CPNE4: variants seen among roughly 807,000 people sequenced by gnomAD.
The protein encoded by CPNE4 is copine 4, also known as copine-4.
A neutral mutation model predicts 67.9 loss-of-function variants in CPNE4; 25 were observed. The observed-to-expected ratio is 0.37, with a 90% CI of 0.27 to 0.51. CPNE4 has a LOEUF of 0.51. Ranked by LOEUF, CPNE4 falls within the 20% of genes least tolerant of loss-of-function variation. The pLI is 0.93. For missense variants in CPNE4, 464 were observed against 690.8 expected (o/e 0.67, Z 3.68); for synonymous variants, 242 against 244.9 (o/e 0.99, Z 0.11).
chr3:131,698,392 T>G (rs1402027235), intron 4 of CPNE4, among the ~76,000 whole-genome samples: 1 of 151,788 alleles, frequency 6.6e-6, no homozygotes, highest in African/African-American at 2.4e-5. Flanking sequence ...GATCTACTGG[T>G]TTTGTGGGCT....
intron 5 of CPNE4, among the ~76,000 whole-genome samples, chr3:131,688,059 G>A (rs538279328): frequency 6.6e-6 from 1 of 152,338 alleles, no homozygotes; most frequent in African/African-American, 2.4e-5. Context: ...GCACTGGCCT[G>A]GAGAGGCAGG....
chr3:131,988,438 GT>G (rs1430231942), intron 1 of CPNE4, among the ~76,000 whole-genome samples: 2 of 152,228 alleles, frequency 1.3e-5, no homozygotes, highest in Admixed American at 1.3e-4. Context: ...TGGTGAGCCA[GT>G]TGGAGAGCGG....
chr3:131,988,999 T>C (rs1560744877), intron 1 of CPNE4, among the ~76,000 whole-genome samples: 1 of 152,186 alleles, frequency 6.6e-6, no homozygotes, highest in Non-Finnish European at 1.5e-5. Flanking sequence ...AAACTAATAG[T>C]TGACTATGTT....
chr3:131,996,617 C>G (rs756870960), intron 1 of CPNE4, among the ~76,000 whole-genome samples: 5 of 151,796 alleles, frequency 3.3e-5, no homozygotes, highest in Non-Finnish European at 7.4e-5. Flanking sequence ...GGTCCCTCCA[C>G]TTAGATATCA....
chr3:131,645,515 A>G (rs971863476), intron 7 of CPNE4, among the ~76,000 whole-genome samples: 2 of 152,234 alleles, frequency 1.3e-5, no homozygotes, highest in Admixed American at 6.5e-5. Flanking sequence ...TGGGACAGGT[A>G]CTATTTTATG....
rs574741257 is a variant in CPNE4, at chr3:131,743,911, C to G, written c.181-20286G>C. ...CCGGGAGGCGGAGCTTGCAGTGAGC[C>G]GAGATCGCGCCACTGCACTCCAGCC... On this transcript the variant is annotated intron_variant, in intron 2 of 15. Coordinates refer to ENST00000429747, the MANE Select transcript of CPNE4 (RefSeq NM_130808.3). Among the ~76,000 whole-genome samples, 308 of 120,558 alleles carry G rather than the reference C, an allele frequency of 2.6e-3. 1 individual carries two copies. Among genetic ancestry groups the G allele is most frequent in the African/African-American group, 9.0e-3 (287 of 31,826 alleles). 79.1% of individuals were successfully genotyped at this position (120,558 alleles called of 152,430 possible).
chr3:131,927,981 C>G (rs1201972680), intron 1 of CPNE4, among the ~76,000 whole-genome samples: 1 of 152,058 alleles, frequency 6.6e-6, no homozygotes, highest in Non-Finnish European at 1.5e-5. Context: ...GAGATAAAAG[C>G]CTAGAGAAAA....
At chr3:131,958,609 CTTTTTT>C (rs748126986) in intron 1 of CPNE4, among the ~76,000 whole-genome samples, 19 of 95,988 alleles carry the variant, frequency 2.0e-4, no homozygotes, top group African/African-American at 9.5e-4. Context: ...TCTTTCTTTT[CTTTTTT>C]TTTTTTTTTT....
chr3:131,621,505 C>T (rs528097901), intron 7 of CPNE4, among the ~76,000 whole-genome samples: 35 of 152,224 alleles, frequency 2.3e-4, no homozygotes, highest in African/African-American at 8.4e-4. Flanking sequence ...CTAAGCCTCC[C>T]AGAGCACTGG....
At chr3:131,784,003 A>G (rs2083490088) in intron 2 of CPNE4, among the ~76,000 whole-genome samples, 1 of 152,034 alleles carries the variant, frequency 6.6e-6, no homozygotes, top group Non-Finnish European at 1.5e-5. Context: ...AGTAATTTGA[A>G]CTTCTCAGAG....
At chr3:131,585,339 G>A (rs936624218) in intron 8 of CPNE4, among the ~76,000 whole-genome samples, 1 of 152,270 alleles carries the variant, frequency 6.6e-6, no homozygotes, top group Non-Finnish European at 1.5e-5. Flanking sequence ...GCCTGTCACA[G>A]TGCTTGGAAT....
Position 132,033,405 on chromosome 3 carries a change from CTGTGTGTG to C in CPNE4, c.-2+1154_-2+1161del, listed in dbSNP as rs59853721. Among the ~76,000 whole-genome samples, 27 of 150,838 alleles carry C rather than the reference CTGTGTGTG, an allele frequency of 1.8e-4. No individual in the cohort carries two copies. In the East Asian group the frequency reaches 3.5e-3, roughly 20 times the overall value. ...AGAGTGTGTGAGTGTGTGTGTGTGT[CTGTGTGTG>C]TGTGTGTGTGTGTGTAGAGGGAGAG... On this transcript the variant is annotated intron_variant, in intron 1 of 15. Transcript: ENST00000429747.
chr3:131,774,577 CAG>C (rs1349840518), intron 2 of CPNE4, among the ~76,000 whole-genome samples: 1 of 152,092 alleles, frequency 6.6e-6, no homozygotes, highest in African/African-American at 2.4e-5. Flanking sequence ...GGCAGAATAA[CAG>C]AGAGGAAATT....
At position 131,897,604 on chromosome 3, in the gene CPNE4, G is replaced by GA. The variant is rs201823880; in HGVS notation, c.180+7659dup. Among the ~76,000 whole-genome samples the GA allele has an allele frequency of 4.0e-4, 61 of 151,948 alleles. No homozygotes were observed. In the East Asian group the frequency reaches 0.01, roughly 25 times the overall value. ...TGTCTACTATACCTCAATAAAAATA[G>GA]AAAAAAATAGGCTGGACACAGTGGC... On this transcript the variant is annotated intron_variant, in intron 2 of 15. Transcript: ENST00000429747.
At chr3:131,899,595 T>C (rs1340569920) in intron 2 of CPNE4, among the ~76,000 whole-genome samples, 1 of 152,100 alleles carries the variant, frequency 6.6e-6, no homozygotes, top group Admixed American at 6.6e-5. Context: ...CTGGGCGATG[T>C]ATTAATTCTC....
chr3:131,807,184 G>A (rs1024268748), intron 2 of CPNE4, among the ~76,000 whole-genome samples: 73 of 152,158 alleles, frequency 4.8e-4, no homozygotes, highest in African/African-American at 1.6e-3. Context: ...AGTATGATGG[G>A]TGTCAGTGTA....
At chr3:131,674,014 T>A (rs537418631) in intron 6 of CPNE4, among the ~76,000 whole-genome samples, 199 of 152,038 alleles carry the variant, frequency 1.3e-3, no homozygotes, top group African/African-American at 4.4e-3. Context: ...GCATTTTTTT[T>A]TATCATGAAG....
intron 11 of CPNE4, among the ~76,000 whole-genome samples, chr3:131,559,716 G>T (rs1936658442): frequency 6.6e-6 from 1 of 151,912 alleles, no homozygotes; most frequent in Non-Finnish European, 1.5e-5. Context: ...GGAGGGAAGA[G>T]AATGGAAATA....
At chr3:131,603,114 G>T (rs1939300336) in intron 7 of CPNE4, among the ~76,000 whole-genome samples, 1 of 152,110 alleles carries the variant, frequency 6.6e-6, no homozygotes, top group Non-Finnish European at 1.5e-5. Context: ...TACTTTGGAT[G>T]AGTTGGATCT....
Sources: gnomAD v4.1 joint callset for allele counts (sites outside exome capture counted in the v4.1 genomes callset) on GRCh38, gnomAD v4.1.1 for gene constraint, MANE v1.5 for transcripts, NCBI Gene and HGNC (gene_info 2026-07-23, HGNC 2026-07-21) for gene names.